PSME4: variants seen among roughly 807,000 people sequenced by gnomAD.
PSME4 encodes proteasome activator complex subunit 4.
In PSME4, 89 loss-of-function variants were observed where a neutral mutation model predicts 253.9. The ratio of observed to expected loss-of-function variants is 0.35; its 90% CI spans 0.30 to 0.42. The LOEUF is 0.42. PSME4 is among the 10% of genes least tolerant of loss of function. The pLI is 1.00. For missense variants in PSME4, 2,014 were observed against 2,195.2 expected (o/e 0.92, Z 1.65); for synonymous variants, 851 against 759.2 (o/e 1.12, Z -1.99).
At chr2:53,935,874 G>A (rs116453537) in intron 7 of PSME4, among the ~76,000 whole-genome samples, 4,934 of 151,854 alleles carry the variant, frequency 0.032, 102 homozygotes, top group Non-Finnish European at 0.047. Flanking sequence ...TGTTGTTGGT[G>A]CTATCGTATT....
intron 27 of PSME4, among the ~76,000 whole-genome samples, chr2:53,903,563 T>C (rs1470723975): frequency 1.3e-5 from 2 of 152,164 alleles, no homozygotes; most frequent in African/African-American, 4.8e-5. Flanking sequence ...ATACCACTGC[T>C]CAAACTTACC....
Position 53,875,830 on chromosome 2 carries a change from C to A in PSME4, c.4816-75G>T, listed in dbSNP as rs372232212. Reference sequence around the variant, plus strand: ...GTACAAAGGCATCCTACATGAGAGACAACACATCTTTAATTTAACAATTTT... The same window carrying A: ...GTACAAAGGCATCCTACATGAGAGAAAACACATCTTTAATTTAACAATTTT... On this transcript the variant is annotated intron_variant, in intron 41 of 46. Coordinates refer to ENST00000404125, the MANE Select transcript of PSME4 (RefSeq NM_014614.3). The A allele has an allele frequency of 6.6e-5, 88 of 1,341,692 alleles. No homozygotes were observed. In the African/African-American group the frequency reaches 1.2e-3, roughly 19 times the overall value. The allele number at this position is 1,341,692 out of a possible 1,614,324, so 83.1% of individuals were successfully genotyped here. A position where few individuals can be genotyped will look rare whatever the true frequency, so the allele number is the denominator to read the frequency against.
rs71408744 is a variant in PSME4 at position 53,899,817 on chromosome 2, C to CA, written c.3422+63dup. On this transcript the variant is annotated intron_variant, in intron 29 of 46. Coordinates refer to ENST00000404125, the MANE Select transcript of PSME4 (RefSeq NM_014614.3). ...TGGGCAACAGAGCAAGACTCTGTCT[C>CA]AAAAAAAAGCCAAAACTTACTATCT... 8.7e-4 allele frequency: 1,362 copies of CA among 1,562,214 alleles called. 22 individuals are homozygous for CA. The South Asian group carries it at 0.015, about 17-fold the overall frequency.
At chr2:53,965,351 C>T (rs1448624308) in intron 1 of PSME4, among the ~76,000 whole-genome samples, 5 of 151,426 alleles carry the variant, frequency 3.3e-5, no homozygotes, top group Non-Finnish European at 5.9e-5. Context: ...CAGGTTCAAG[C>T]GATTCTTCTG....
At chr2:53,876,630 CT>C (rs776438013) in intron 41 of PSME4, among the ~76,000 whole-genome samples, 15 of 151,488 alleles carry the variant, frequency 9.9e-5, no homozygotes, top group Middle Eastern at 3.4e-3. Flanking sequence ...AATGATTTCC[CT>C]TCTGTCCTCC....
At chr2:53,935,571 G>A (rs1008100824) in intron 7 of PSME4, among the ~76,000 whole-genome samples, 1 of 152,186 alleles carries the variant, frequency 6.6e-6, no homozygotes, top group African/African-American at 2.4e-5. Context: ...AAAGTGGGCA[G>A]CACTGTAGAG....
Position 53,940,008 on chromosome 2 carries a change from G to A in PSME4, c.501-8C>T, listed in dbSNP as rs769113085. 4 of 1,562,676 alleles carry A rather than the reference G, an allele frequency of 2.6e-6. No homozygotes were observed. Among genetic ancestry groups the A allele is most frequent in the African/African-American group, 1.4e-5 (1 of 73,464 alleles). The stretch of plus-strand genomic sequence containing the variant: ...AGAATATTTTCTACAGAACTGGGGG[G>A]GGAAAGCCATTTGATAATTAGATTG... On this transcript the variant is annotated splice_region_variant and splice_polypyrimidine_tract_variant and intron_variant, in intron 3 of 46. Transcript: ENST00000404125.
intron 1 of PSME4, among the ~76,000 whole-genome samples, chr2:53,954,274 G>C (rs1670132580): frequency 6.6e-6 from 1 of 151,722 alleles, no homozygotes; most frequent in African/African-American, 2.4e-5. Context: ...GTTGCAGTGA[G>C]CCAAGATCTC....
chr2:53,874,500 A>C lies in PSME4; in HGVS notation c.4945-6T>G. The C allele has an allele frequency of 6.2e-7, 1 of 1,612,810 alleles. No homozygotes were observed. Among genetic ancestry groups the C allele is most frequent in the Non-Finnish European group, 8.5e-7 (1 of 1,179,592 alleles). ...CAAGAACTGCTTCTTGCTGTCTGTG[A>C]ATGACAAATAAATATAAACGATAAA... On this transcript the variant is annotated splice_region_variant and splice_polypyrimidine_tract_variant and intron_variant, in intron 42 of 46. Transcript: ENST00000404125.
At chr2:53,893,222 G>T (rs544132955) in intron 35 of PSME4, among the ~76,000 whole-genome samples, 2 of 129,824 alleles carry the variant, frequency 1.5e-5, no homozygotes, top group Admixed American at 7.6e-5. Flanking sequence ...CATAAAAAAC[G>T]CATGCAGTTT....
chr2:53,937,616 A>G (rs1669183611), intron 4 of PSME4, 76 bp from the exon 5 acceptor site: 1 of 1,388,518 alleles, frequency 7.2e-7, no homozygotes, highest in Non-Finnish European at 1.0e-6. Context: ...ATAACTGACC[A>G]AAAGGCTGGG....
Position 53,928,110 on chromosome 2 carries a change from T to G in PSME4, c.1503+7A>C, listed in dbSNP as rs369271157. The G allele has an allele frequency of 1.2e-6, 2 of 1,610,468 alleles. No individual in the cohort carries two copies. Among genetic ancestry groups the G allele is most frequent in the Non-Finnish European group, 1.7e-6 (2 of 1,177,142 alleles). Reference sequence around the variant, plus strand: ...AATACGGAGTGTATAATCACCAATATACTCACCATGCATTTACTAAAGTCA... The same window carrying G: ...AATACGGAGTGTATAATCACCAATAGACTCACCATGCATTTACTAAAGTCA... On this transcript the variant is annotated splice_region_variant and intron_variant, in intron 11 of 46. Transcript: ENST00000404125.
intron 1 of PSME4, among the ~76,000 whole-genome samples, chr2:53,964,951 A>C (rs1670646486): frequency 6.6e-6 from 1 of 152,266 alleles, no homozygotes. Context: ...TTAGCAATTA[A>C]AATGACTTCA....
rs201691662 is a variant in PSME4 at position 53,928,091 on chromosome 2, G to A, written c.1503+26C>T. ...TTACTTTGCCTCCTACCTAAATACGGAGTGTATAATCACCAATATACTCAC... is the reference window on the plus strand; with the variant it reads ...TTACTTTGCCTCCTACCTAAATACGAAGTGTATAATCACCAATATACTCAC... On this transcript the variant is annotated intron_variant, in intron 11 of 46. Transcript: ENST00000404125. 2.9e-4 allele frequency: 451 copies of A among 1,556,586 alleles called. 1 individual carries two copies. The highest frequency in any genetic ancestry group is 3.5e-4 in the Non-Finnish European group (399 of 1,139,302).
chr2:53,934,034 T>C lies in PSME4; in HGVS notation c.957+571A>G, dbSNP rs926756328. 3.9e-5 allele frequency among the ~76,000 whole-genome samples: 6 copies of C among 152,132 alleles called. No homozygotes were observed. In the South Asian group the frequency reaches 8.3e-4, roughly 21 times the overall value. ...AACAGAATAATAATTCATGAAGAAA[T>C]AGCTGCAGAAGCAATATATGAATGA... On this transcript the variant is annotated intron_variant, in intron 8 of 46. Coordinates refer to ENST00000404125, the MANE Select transcript of PSME4 (RefSeq NM_014614.3).
At chr2:53,865,604 G>C (rs1678528609) in intron 46 of PSME4, 31 bp from the exon 47 acceptor site, 1 of 152,800 alleles carries the variant, frequency 6.5e-6, no homozygotes, top group Non-Finnish European at 1.5e-5. Context: ...TTTCAATTAG[G>C]TAACAAGACA....
chr2:53,965,096 CACACAG>C (rs1215853838), intron 1 of PSME4, among the ~76,000 whole-genome samples: 2 of 152,068 alleles, frequency 1.3e-5, no homozygotes, highest in Non-Finnish European at 1.5e-5. Context: ...AACACACACA[CACACAG>C]ACACACACAC....
At chr2:53,955,807 A>G (rs2104482667) in intron 1 of PSME4, among the ~76,000 whole-genome samples, 1 of 152,086 alleles carries the variant, frequency 6.6e-6, no homozygotes, top group African/African-American at 2.4e-5. Flanking sequence ...CTGTAGTCCC[A>G]GTAACTCAGG....
intron 44 of PSME4, among the ~76,000 whole-genome samples, chr2:53,867,401 G>A (rs1210305457): frequency 6.6e-6 from 1 of 151,480 alleles, no homozygotes. Context: ...CCCAGAAGCT[G>A]AGGCATGAGA....
Sources: gnomAD v4.1 joint callset for allele counts (sites outside exome capture counted in the v4.1 genomes callset) on GRCh38, gnomAD v4.1.1 for gene constraint, MANE v1.5 for transcripts, NCBI Gene and HGNC (gene_info 2026-07-23, HGNC 2026-07-21) for gene names.